The following BTG4 variants were observed in gnomAD, a reference collection of about 807,000 sequenced individuals.
BTG4 encodes BTG anti-proliferation factor 4, also known as protein BTG4.
In BTG4, 10 loss-of-function variants were observed where a neutral mutation model predicts 19.3. That is an observed-to-expected ratio of 0.52 (90% confidence interval 0.32 to 0.88). The LOEUF (loss-of-function observed/expected upper bound fraction) is 0.88, where lower values mean the gene tolerates loss of function less well. BTG4 is among the 40% of genes least tolerant of loss of function. The pLI is 0.04. For missense variants in BTG4, 238 were observed against 281.9 expected (o/e 0.84, Z 1.11); for synonymous variants, 91 against 95.7 (o/e 0.95, Z 0.29).
At chr11:111,505,038 A>T (rs1055918355) in intron 1 of BTG4, among the ~76,000 whole-genome samples, 1 of 152,030 alleles carries the variant, frequency 6.6e-6, no homozygotes, top group African/African-American at 2.4e-5. Flanking sequence ...AAATAACCAT[A>T]TTACCCAAGC....
chr11:111,508,511 A>G (rs930260920), intron 1 of BTG4, among the ~76,000 whole-genome samples: 1 of 152,028 alleles, frequency 6.6e-6, no homozygotes, highest in Non-Finnish European at 1.5e-5. Context: ...CTTATACATT[A>G]CAATCTCCAT....
chr11:111,419,501 A>C, the BTG4 span, among the ~76,000 whole-genome samples: 1 of 152,272 alleles, frequency 6.6e-6, no homozygotes, highest in Non-Finnish European at 1.5e-5. Context: ...AGGCAAGAGA[A>C]GGTGTCAATA....
downstream of BTG4, among the ~76,000 whole-genome samples, chr11:111,490,345 C>T (rs572697535): frequency 1.3e-5 from 2 of 151,802 alleles, no homozygotes; most frequent in African/African-American, 4.8e-5. Context: ...ATGATCAACG[C>T]TTGAGGTGAT....
At chr11:111,399,716 A>G in the BTG4 span, among the ~76,000 whole-genome samples, 1 of 152,160 alleles carries the variant, frequency 6.6e-6, no homozygotes, top group Non-Finnish European at 1.5e-5. Context: ...TCTGAGAGTG[A>G]ACTCCAAATT....
chr11:111,493,709 G>C (rs555573187), downstream of BTG4, among the ~76,000 whole-genome samples: 2 of 152,276 alleles, frequency 1.3e-5, no homozygotes, highest in East Asian at 1.9e-4. Context: ...CTTCAAGAGA[G>C]GACAAACTCA....
chr11:111,438,942 T>A, the BTG4 span, among the ~76,000 whole-genome samples: 1 of 152,172 alleles, frequency 6.6e-6, no homozygotes, highest in Non-Finnish European at 1.5e-5. Flanking sequence ...GGCCAACACA[T>A]TAAACATATT....
At chr11:111,405,437 A>AAAAAAAAAAAAAAAAAAAAAT in the BTG4 span, among the ~76,000 whole-genome samples, 1 of 136,188 alleles carries the variant, frequency 7.3e-6, no homozygotes, top group African/African-American at 2.7e-5. Flanking sequence ...AAAAAAAAAG[A>AAAAAAAAAAAAAAAAAAAAAT]TGTCAGGACC....
chr11:111,413,238 A>G, the BTG4 span, among the ~76,000 whole-genome samples: 1 of 152,352 alleles, frequency 6.6e-6, no homozygotes, highest in South Asian at 2.1e-4. Context: ...TCCGATCACA[A>G]AGTCCTTTTA....
At chr11:111,394,395 T>G in the BTG4 span, among the ~76,000 whole-genome samples, 1 of 152,234 alleles carries the variant, frequency 6.6e-6, no homozygotes, top group African/African-American at 2.4e-5. Context: ...ACTGTTCTTG[T>G]GGCCGTGAAT....
chr11:111,460,336 G>C, the BTG4 span: 1 of 152,750 alleles, frequency 6.5e-6, no homozygotes, highest in African/African-American at 2.4e-5. Flanking sequence ...AGGTGCTGGA[G>C]GCTTTACCTC....
chr11:111,392,247 G>A, the BTG4 span, among the ~76,000 whole-genome samples: 4 of 126,238 alleles, frequency 3.2e-5, no homozygotes, highest in South Asian at 2.5e-4. Flanking sequence ...GCACGATCTC[G>A]GCTCACTGCA....
chr11:111,458,534 G>C, the BTG4 span, among the ~76,000 whole-genome samples: 1 of 152,168 alleles, frequency 6.6e-6, no homozygotes, highest in Non-Finnish European at 1.5e-5. Context: ...CCATTTTAGA[G>C]TGGGAAACCT....
the BTG4 span, among the ~76,000 whole-genome samples, chr11:111,440,709 C>T: frequency 6.6e-6 from 1 of 152,224 alleles, no homozygotes; most frequent in African/African-American, 2.4e-5. Context: ...AAGCTTGAGT[C>T]AGGTCAGTGC....
chr11:111,471,586 C>A (rs912716876), intron 5 of BTG4, among the ~76,000 whole-genome samples: 1 of 152,094 alleles, frequency 6.6e-6, no homozygotes, highest in Non-Finnish European at 1.5e-5. Flanking sequence ...CTCTTTTCTC[C>A]GGCCTCTTAA....
At chr11:111,514,626 T>C (rs2135769324), upstream of BTG4, 2 of 624,030 alleles carry the variant, frequency 3.2e-6, no homozygotes. Context: ...AGGGGTGGGC[T>C]TCCGACGGCC....
At chr11:111,396,943 T>C in the BTG4 span, 4 of 152,192 alleles carry the variant, frequency 2.6e-5, no homozygotes, top group African/African-American at 9.7e-5. Flanking sequence ...TTAGTATAGG[T>C]TGATTTATTC....
At chr11:111,408,221 G>A in the BTG4 span, among the ~76,000 whole-genome samples, 1 of 152,234 alleles carries the variant, frequency 6.6e-6, no homozygotes, top group African/African-American at 2.4e-5. Context: ...GGAGAAGCAG[G>A]AAGCCATCCC....
the BTG4 span, chr11:111,455,305 T>G: frequency 3.2e-6 from 1 of 317,090 alleles, no homozygotes; most frequent in African/African-American, 2.2e-5. Context: ...GTTCCCAAGG[T>G]GAGTGGGGTG....
rs758645666 is a variant in BTG4, at chr11:111,497,193, A to G, written c.510+18T>C. The stretch of plus-strand genomic sequence containing the variant: ...TAGATAGAAAAAAAGTATAGAAAAG[A>G]ACTGGAACACTCTTGACCTGATAAA... On this transcript the variant is annotated intron_variant, in intron 4 of 4. Transcript: ENST00000692032. 1 of 1,601,022 alleles carries G rather than the reference A, an allele frequency of 6.2e-7. No homozygotes were observed. Among genetic ancestry groups the G allele is most frequent in the South Asian group, 1.1e-5 (1 of 89,302 alleles).
Sources: gnomAD v4.1 joint callset for allele counts (sites outside exome capture counted in the v4.1 genomes callset) on GRCh38, gnomAD v4.1.1 for gene constraint, MANE v1.5 for transcripts, NCBI Gene and HGNC (gene_info 2026-07-23, HGNC 2026-07-21) for gene names.